Variants in ZFR2 observed in about 807,000 individuals in gnomAD.
ZFR2 encodes the protein zinc finger RNA binding protein 2.
Under a neutral mutation model 105.7 loss-of-function variants are expected in ZFR2, and 104 were observed. The ratio of observed to expected loss-of-function variants is 0.98; its 90% confidence interval spans 0.84 to 1.16. The LOEUF is 1.16. ZFR2 is among the 50% of genes most tolerant of loss of function. ZFR2 has a pLI of 0.00. For synonymous variants in ZFR2, 634 were observed against 597.7 expected, an observed-to-expected ratio of 1.06 and a Z score of -0.89; for missense variants, 1,425 against 1,355.5, an observed-to-expected ratio of 1.05 and a Z score of -0.80.
chr19:3,823,427 T>C lies in ZFR2; in HGVS notation c.1214-24A>G. The stretch of plus-strand genomic sequence containing the variant: ...CCCTGAGGGGAAAAACCATGTCACT[T>C]ATACCCTGTTCCAGGAGAAAGCACT... On this transcript the variant is annotated intron_variant, in intron 7 of 18. Coordinates refer to ENST00000262961, the MANE Select transcript of ZFR2 (RefSeq NM_015174.2). The surrounding 1 kb of genome is among the most constrained non-coding windows in gnomAD (Gnocchi z 5.4). 6.4e-7 allele frequency: 1 copy of C among 1,569,578 alleles called. No homozygotes were observed. The highest frequency in any genetic ancestry group is 8.6e-7 in the Non-Finnish European group (1 of 1,158,300).
In ZFR2 at chr19:3,813,926, G is replaced by A. The variant is rs375273675; in HGVS notation, c.2136C>T (p.Ser712=). The A allele has an allele frequency of 5.5e-5, 88 of 1,613,956 alleles. No individual in the cohort carries two copies. Among genetic ancestry groups the A allele is most frequent in the African/African-American group, 4.3e-4 (32 of 75,026 alleles). The change falls in exon 14 of 19, where the codon TCC becomes TCT. Residue 712 remains serine (S), a synonymous_variant. Coordinates refer to ENST00000262961, the MANE Select transcript of ZFR2 (RefSeq NM_015174.2). This position sits in a 1 kb window ranked among gnomAD's most constrained non-coding sequence, Gnocchi z 4.4. ...MVTEDEYEVS[S]DPEANIVISS... ...AGATGACAATGTTGGCTTCAGGGTCGGAGGAGACCTCATACTCATCCTCGG... is the reference window on the plus strand; with the variant it reads ...AGATGACAATGTTGGCTTCAGGGTCAGAGGAGACCTCATACTCATCCTCGG...
At chr19:3,819,885 T>C (rs2037870897) in intron 11 of ZFR2, among the ~76,000 whole-genome samples, 1 of 137,186 alleles carries the variant, frequency 7.3e-6, no homozygotes, top group Non-Finnish European at 1.6e-5. Flanking sequence ...ACCTGGGGGC[T>C]CGGGCTGCGG....
At chr19:3,854,160 G>A (rs1037458351) in intron 1 of ZFR2, among the ~76,000 whole-genome samples, 9 of 151,952 alleles carry the variant, frequency 5.9e-5, no homozygotes, top group African/African-American at 2.2e-4. Flanking sequence ...GGAGGCCGAG[G>A]TGGGCAGATC....
At chr19:3,853,749 T>C (rs2145184784) in intron 1 of ZFR2, among the ~76,000 whole-genome samples, 1 of 152,226 alleles carries the variant, frequency 6.6e-6, no homozygotes, top group South Asian at 2.1e-4. Context: ...GAATTTGAGG[T>C]AACAGTCACA....
intron 13 of ZFR2, among the ~76,000 whole-genome samples, chr19:3,815,695 C>T (rs912142500): frequency 1.3e-5 from 2 of 151,942 alleles, no homozygotes; most frequent in Non-Finnish European, 1.5e-5. Context: ...GGGATTCTCC[C>T]GCTTCAGCTC....
At chr19:3,825,767 C>T (rs2145152429) in intron 6 of ZFR2, among the ~76,000 whole-genome samples, 1 of 152,246 alleles carries the variant, frequency 6.6e-6, no homozygotes, top group Non-Finnish European at 1.5e-5. Context: ...TCCCTGACTG[C>T]CCGGGACTCA....
At chr19:3,807,514 T>C (rs539952245) in intron 17 of ZFR2, among the ~76,000 whole-genome samples, 2 of 152,310 alleles carry the variant, frequency 1.3e-5, no homozygotes, top group East Asian at 1.9e-4. Context: ...GTTGTGTGTG[T>C]GTTCGTGCCT....
chr19:3,830,789 G>A (rs1032931850), intron 5 of ZFR2, among the ~76,000 whole-genome samples: 4 of 152,158 alleles, frequency 2.6e-5, no homozygotes, highest in African/African-American at 9.7e-5. Context: ...TTGAGCCCAC[G>A]ATCTCAGCTG....
intron 6 of ZFR2, among the ~76,000 whole-genome samples, chr19:3,827,123 T>C (rs915210846): frequency 6.6e-6 from 1 of 152,036 alleles, no homozygotes; most frequent in Non-Finnish European, 1.5e-5. Flanking sequence ...ATGCCTGTGA[T>C]CCCAGCTACT....
Position 3,827,801 on chromosome 19 carries a change from G to T in ZFR2, c.853-148C>A, listed in dbSNP as rs150124735. 2,442 of 844,552 alleles carry T rather than the reference G, an allele frequency of 2.9e-3. 4 individuals carry two copies. Among genetic ancestry groups the T allele is most frequent in the Admixed American group, 4.4e-3 (143 of 32,396 alleles). 52.3% of individuals were successfully genotyped at this position (844,552 alleles called of 1,614,324 possible). Reference sequence around the variant, plus strand: ...CCCTCCATTCCCTGGTGCCATGGAGGTTCCAGTGTCCCTTTATTTTTCTTA... The same window carrying T: ...CCCTCCATTCCCTGGTGCCATGGAGTTTCCAGTGTCCCTTTATTTTTCTTA... On this transcript the variant is annotated intron_variant, in intron 5 of 18. Coordinates refer to ENST00000262961, the MANE Select transcript of ZFR2 (RefSeq NM_015174.2).
At chr19:3,853,309 A>G (rs1030249268) in intron 1 of ZFR2, among the ~76,000 whole-genome samples, 4 of 152,252 alleles carry the variant, frequency 2.6e-5, no homozygotes, top group East Asian at 3.9e-4. Flanking sequence ...GCCTTCTCAC[A>G]GTTTAGAGTC....
intron 6 of ZFR2, among the ~76,000 whole-genome samples, chr19:3,826,645 C>T (rs2037953637): frequency 6.6e-6 from 1 of 151,520 alleles, no homozygotes; most frequent in Admixed American, 6.6e-5. Flanking sequence ...ACCATGTTGG[C>T]CAGGCTGGTC....
At chr19:3,807,884 T>A (rs1014489759) in intron 17 of ZFR2, among the ~76,000 whole-genome samples, 1 of 149,716 alleles carries the variant, frequency 6.7e-6, no homozygotes, top group Non-Finnish European at 1.5e-5. Flanking sequence ...TGTGTGTGCA[T>A]GTGTGCCCGT....
chr19:3,841,122 G>A (rs762052701), intron 1 of ZFR2, among the ~76,000 whole-genome samples: 4 of 152,324 alleles, frequency 2.6e-5, no homozygotes, highest in East Asian at 1.9e-4. Flanking sequence ...AGGCGACCAC[G>A]TCAGAATGCT....
At chr19:3,835,809 C>T (rs576479193) in intron 1 of ZFR2, among the ~76,000 whole-genome samples, 2 of 151,690 alleles carry the variant, frequency 1.3e-5, no homozygotes, top group East Asian at 2.0e-4. Flanking sequence ...AAACAATTAG[C>T]GAGTGTGATA....
chr19:3,811,434 A>T, intron 14 of ZFR2, 68 bp from the exon 15 acceptor site: 1 of 1,435,050 alleles, frequency 7.0e-7, no homozygotes, highest in Non-Finnish European at 9.4e-7. Context: ...CGACGGGGTG[A>T]GGGGCTCAGT....
intron 1 of ZFR2, among the ~76,000 whole-genome samples, chr19:3,835,260 C>T (rs739935): frequency 0.16 from 25,091 of 152,116 alleles, 2,974 homozygotes; most frequent in African/African-American, 0.34. Context: ...ATCTGACTTC[C>T]GCTTTGCAGA....
chr19:3,839,522 G>C (rs2038112846), intron 1 of ZFR2, among the ~76,000 whole-genome samples: 1 of 108,618 alleles, frequency 9.2e-6, no homozygotes, highest in South Asian at 3.3e-4. Flanking sequence ...CTGGGTGACA[G>C]AGCGGGATTC....
chr19:3,863,988 C>G (rs914018543), intron 1 of ZFR2, among the ~76,000 whole-genome samples: 1 of 152,146 alleles, frequency 6.6e-6, no homozygotes, highest in Non-Finnish European at 1.5e-5. Context: ...TAACCAGCAA[C>G]GAGCATCCTG....
Sources: gnomAD v4.1 joint callset for allele counts (sites outside exome capture counted in the v4.1 genomes callset) on GRCh38, gnomAD v4.1.1 for gene constraint, Gnocchi (gnomAD v3.1) non-coding constraint, MANE v1.5 for transcripts, NCBI Gene and HGNC (gene_info 2026-07-23, HGNC 2026-07-21) for gene names.